The following SPHKAP variants were observed in gnomAD, a reference collection of about 807,000 sequenced individuals.
SPHKAP encodes the protein SPHK1 interactor, AKAP domain containing.
SPHKAP carries 67 observed loss-of-function variants against 137.5 expected under a neutral mutation model. That is an observed-to-expected ratio of 0.49 (90% CI 0.40 to 0.60). The LOEUF (loss-of-function observed/expected upper bound fraction) is 0.60, where lower values mean the gene tolerates loss of function less well. Ranked by LOEUF, SPHKAP falls within the 20% of genes least tolerant of loss-of-function variation. The pLI is 0.00. For missense variants in SPHKAP, 2,097 were observed against 2,069.3 expected, an observed-to-expected ratio of 1.01 and a Z score of -0.26; for synonymous variants, 813 against 785.3, an observed-to-expected ratio of 1.04 and a Z score of -0.59.
At chr2:228,000,755 T>G (rs901004318) in intron 7 of SPHKAP, among the ~76,000 whole-genome samples, 1 of 152,222 alleles carries the variant, frequency 6.6e-6, no homozygotes, top group Non-Finnish European at 1.5e-5. Flanking sequence ...AAAATTCTAT[T>G]GTTTGGATGT....
At chr2:228,056,941 A>G (rs1215393175) in intron 3 of SPHKAP, among the ~76,000 whole-genome samples, 1 of 152,228 alleles carries the variant, frequency 6.6e-6, no homozygotes, top group East Asian at 1.9e-4. Context: ...CCAGTGCTCA[A>G]GAAAGGCATA....
chr2:228,001,017 T>C (rs1481217847), intron 7 of SPHKAP, among the ~76,000 whole-genome samples: 2 of 152,038 alleles, frequency 1.3e-5, no homozygotes, highest in Non-Finnish European at 2.9e-5. Flanking sequence ...AATGAATGAG[T>C]TTCTGTTGCT....
intron 3 of SPHKAP, among the ~76,000 whole-genome samples, chr2:228,053,417 C>A (rs1390153568): frequency 6.6e-6 from 1 of 152,186 alleles, no homozygotes; most frequent in Non-Finnish European, 1.5e-5. Flanking sequence ...CTTCCTGCAA[C>A]AAATCTGTTT....
intron 7 of SPHKAP, among the ~76,000 whole-genome samples, chr2:228,008,584 T>A (rs1036345124): frequency 1.3e-5 from 2 of 152,146 alleles, no homozygotes; most frequent in African/African-American, 4.8e-5. Context: ...CTTAAGCCAC[T>A]GCTCCCAGCC....
chr2:228,130,929 G>A (rs1398644879), intron 2 of SPHKAP, among the ~76,000 whole-genome samples: 1 of 151,964 alleles, frequency 6.6e-6, no homozygotes, highest in East Asian at 1.9e-4. Context: ...TTCACATTTG[G>A]TTATGAATGA....
intron 7 of SPHKAP, among the ~76,000 whole-genome samples, chr2:228,001,386 CAT>C (rs572154026): frequency 5.7e-5 from 8 of 139,464 alleles, no homozygotes; most frequent in Admixed American, 2.2e-4. Context: ...TATATATACA[CAT>C]ATATAAATAT....
At chr2:228,085,804 A>C (rs1697519245) in intron 3 of SPHKAP, among the ~76,000 whole-genome samples, 1 of 152,106 alleles carries the variant, frequency 6.6e-6, no homozygotes, top group African/African-American at 2.4e-5. Flanking sequence ...AGGAACCCTG[A>C]GTTTTTTTTT....
intron 3 of SPHKAP, among the ~76,000 whole-genome samples, chr2:228,104,793 C>G (rs1257807745): frequency 6.6e-6 from 1 of 151,960 alleles, no homozygotes. Flanking sequence ...CTTCAAATAA[C>G]CAATACGAAA....
At chr2:228,095,457 G>A (rs1164760889) in intron 3 of SPHKAP, among the ~76,000 whole-genome samples, 2 of 152,188 alleles carry the variant, frequency 1.3e-5, no homozygotes, top group African/African-American at 4.8e-5. Flanking sequence ...AGAGAGACTA[G>A]TGTTTTTAAA....
chr2:227,994,205 A>G (rs1385289998), intron 8 of SPHKAP: 1 of 310,392 alleles, frequency 3.2e-6, no homozygotes, highest in Non-Finnish European at 4.7e-6. Flanking sequence ...TCAATGTTTT[A>G]TCACTCCTTT....
At chr2:228,027,693 CG>C in intron 3 of SPHKAP, 150 bp from the exon 4 acceptor site, 1 of 792,330 alleles carries the variant, frequency 1.3e-6, no homozygotes. Context: ...TCAGGGCGGG[CG>C]CAGTGGCTTA....
intron 7 of SPHKAP, among the ~76,000 whole-genome samples, chr2:227,996,581 A>C (rs1218924008): frequency 1.3e-5 from 2 of 152,198 alleles, no homozygotes; most frequent in Non-Finnish European, 2.9e-5. Flanking sequence ...TCTGGATCCC[A>C]GCCAGGACCC....
intron 1 of SPHKAP, among the ~76,000 whole-genome samples, chr2:228,162,623 C>T (rs1700307732): frequency 6.6e-6 from 1 of 152,166 alleles, no homozygotes; most frequent in South Asian, 2.1e-4. Context: ...ATTAATCTGA[C>T]TTTGAGAGGT....
At chr2:227,991,545 C>T (rs1488525501) in intron 9 of SPHKAP, 2 of 985,226 alleles carry the variant, frequency 2.0e-6, no homozygotes, top group Non-Finnish European at 1.2e-6. Flanking sequence ...CAACAACAGG[C>T]CAGATAACTC....
chr2:228,148,338 G>T (rs1444900820), intron 1 of SPHKAP, among the ~76,000 whole-genome samples: 1 of 152,158 alleles, frequency 6.6e-6, no homozygotes, highest in Non-Finnish European at 1.5e-5. Context: ...GGAATGCTCT[G>T]CCTAACTAAA....
At chr2:228,079,897 C>T (rs1057007017) in intron 3 of SPHKAP, among the ~76,000 whole-genome samples, 8 of 152,170 alleles carry the variant, frequency 5.3e-5, no homozygotes, top group Non-Finnish European at 1.0e-4. Context: ...AGCAGCAAGG[C>T]CTCCCTCAAA....
chr2:228,118,250 T>TG (rs1002109972), intron 2 of SPHKAP, among the ~76,000 whole-genome samples: 10 of 147,520 alleles, frequency 6.8e-5, no homozygotes, highest in Non-Finnish European at 1.5e-4. Context: ...GTTTTTTTTT[T>TG]TTTTTTTTTT....
At chr2:228,148,105 T>C (rs147429624) in intron 1 of SPHKAP, among the ~76,000 whole-genome samples, 1 of 152,080 alleles carries the variant, frequency 6.6e-6, no homozygotes, top group African/African-American at 2.4e-5. Context: ...TTCTTTGGGG[T>C]GCTCTCGTTT....
chr2:228,141,066 T>C (rs1027799797), intron 1 of SPHKAP, among the ~76,000 whole-genome samples: 1 of 152,224 alleles, frequency 6.6e-6, no homozygotes, highest in African/African-American at 2.4e-5. Flanking sequence ...CAGTTGCTGC[T>C]CTAGACACCA....
Sources: gnomAD v4.1 joint callset for allele counts (sites outside exome capture counted in the v4.1 genomes callset) on GRCh38, gnomAD v4.1.1 for gene constraint, MANE v1.5 for transcripts, NCBI Gene and HGNC (gene_info 2026-07-23, HGNC 2026-07-21) for gene names.